RHOU: variants seen among roughly 807,000 people sequenced by gnomAD.
RHOU encodes ras homolog family member U, also known as rho-related GTP-binding protein RhoU.
RHOU carries 8 observed loss-of-function variants against 12.6 expected under a neutral mutation model. That is an observed-to-expected ratio of 0.64 (90% CI 0.37 to 1.15). The LOEUF (loss-of-function observed/expected upper bound fraction) is 1.15. RHOU is among the 50% of genes most tolerant of loss of function. The probability of loss-of-function intolerance (pLI) is 0.01; values close to 1 mark genes in which losing one functional copy is unlikely to be tolerated. For missense variants in RHOU, 258 were observed against 347.0 expected, an observed-to-expected ratio of 0.74 and a Z score of 2.04; for synonymous variants, 161 against 147.4, an observed-to-expected ratio of 1.09 and a Z score of -0.67.
the RHOU span, among the ~76,000 whole-genome samples, chr1:228,689,723 G>C: frequency 9.9e-5 from 15 of 151,802 alleles, no homozygotes; most frequent in Non-Finnish European, 1.0e-4. Context: ...GCATGTGAGG[G>C]ATCTAGGGTG....
At chr1:228,687,283 A>G in the RHOU span, 5 of 636,288 alleles carry the variant, frequency 7.9e-6, no homozygotes, top group African/African-American at 7.3e-5. Context: ...CCCAGTTCCC[A>G]AGAGTTATCC....
chr1:228,730,217 C>G, the RHOU span, among the ~76,000 whole-genome samples: 2 of 152,194 alleles, frequency 1.3e-5, no homozygotes, highest in Non-Finnish European at 2.9e-5. Context: ...CAGAGGGAAA[C>G]AGTGCCTAAC....
At chr1:228,648,641 T>C in the RHOU span, among the ~76,000 whole-genome samples, 21 of 152,242 alleles carry the variant, frequency 1.4e-4, no homozygotes, top group Non-Finnish European at 2.5e-4. Flanking sequence ...AATTTGATTC[T>C]GAACTCGGTT....
chr1:228,740,686 G>A (rs1662702894), intron 2 of RHOU, among the ~76,000 whole-genome samples: 1 of 152,184 alleles, frequency 6.6e-6, no homozygotes, highest in Non-Finnish European at 1.5e-5. Context: ...GAGCCTTGAG[G>A]GTTAAGTGAC....
chr1:228,741,676 T>A (rs571049708), intron 2 of RHOU, among the ~76,000 whole-genome samples: 34 of 152,348 alleles, frequency 2.2e-4, no homozygotes, highest in Middle Eastern at 3.4e-3. Context: ...TTTTTCTTTT[T>A]AAAAATTTTT....
chr1:228,728,989 G>A, the RHOU span, among the ~76,000 whole-genome samples: 142 of 151,448 alleles, frequency 9.4e-4, 2 homozygotes, highest in African/African-American at 3.2e-3. Flanking sequence ...TCTGCCTCCC[G>A]GGTTCAAGCG....
the RHOU span, among the ~76,000 whole-genome samples, chr1:228,660,354 T>A: frequency 0.041 from 4,658 of 114,032 alleles, 259 homozygotes; most frequent in African/African-American, 0.13. Flanking sequence ...CCGAAAAAAA[T>A]AAAAAAAAAA....
chr1:228,706,950 G>A, the RHOU span, among the ~76,000 whole-genome samples: 33 of 150,906 alleles, frequency 2.2e-4, no homozygotes, highest in Admixed American at 4.6e-4. Context: ...TTCCTATTAC[G>A]TAGTTAATTA....
the RHOU span, among the ~76,000 whole-genome samples, chr1:228,713,990 C>A: frequency 6.6e-6 from 1 of 152,026 alleles, no homozygotes; most frequent in Admixed American, 6.6e-5. Context: ...TGGAGGAAGA[C>A]CAGTTTGAGT....
the RHOU span, among the ~76,000 whole-genome samples, chr1:228,674,072 C>T: frequency 6.6e-6 from 1 of 152,302 alleles, no homozygotes; most frequent in Non-Finnish European, 1.5e-5. Context: ...TCTGGTGGAA[C>T]TATAGTGGAA....
At chr1:228,732,076 G>C (rs539068286), upstream of RHOU, among the ~76,000 whole-genome samples, 1 of 152,190 alleles carries the variant, frequency 6.6e-6, no homozygotes. Flanking sequence ...TCCATGTTTT[G>C]AGAGTCCATG....
chr1:228,689,617 G>A, the RHOU span, among the ~76,000 whole-genome samples: 1 of 152,066 alleles, frequency 6.6e-6, no homozygotes, highest in Non-Finnish European at 1.5e-5. Context: ...ATAGCCGGAG[G>A]TGAGCAGTGG....
At chr1:228,672,128 A>G in the RHOU span, among the ~76,000 whole-genome samples, 1 of 152,248 alleles carries the variant, frequency 6.6e-6, no homozygotes, top group African/African-American at 2.4e-5. Flanking sequence ...CAAAAAATCT[A>G]GGGCCTTCAT....
chr1:228,717,897 G>T, the RHOU span, among the ~76,000 whole-genome samples: 1 of 152,148 alleles, frequency 6.6e-6, no homozygotes, highest in Admixed American at 6.5e-5. Context: ...AAAAATTCGG[G>T]TAATTCCATG....
chr1:228,703,221 A>T, the RHOU span, among the ~76,000 whole-genome samples: 2 of 152,136 alleles, frequency 1.3e-5, no homozygotes, highest in Non-Finnish European at 2.9e-5. Flanking sequence ...AGAGATATAA[A>T]TTTCTCCTAT....
chr1:228,657,625 C>G, the RHOU span, among the ~76,000 whole-genome samples: 1 of 152,208 alleles, frequency 6.6e-6, no homozygotes, highest in Non-Finnish European at 1.5e-5. Flanking sequence ...ATAGAATGAT[C>G]AGATAGAGGA....
chr1:228,701,312 A>G, the RHOU span, among the ~76,000 whole-genome samples: 1 of 152,200 alleles, frequency 6.6e-6, no homozygotes, highest in Non-Finnish European at 1.5e-5. Flanking sequence ...GTGATAATTA[A>G]AAGGTTTTAA....
chr1:228,736,281 T>C (rs2318790), intron 1 of RHOU, among the ~76,000 whole-genome samples: 3 of 119,160 alleles, frequency 2.5e-5, no homozygotes, highest in East Asian at 2.6e-4. Context: ...AAAAAAAAAA[T>C]CTCACAATTT....
chr1:228,690,763 G>A, the RHOU span, among the ~76,000 whole-genome samples: 1 of 151,940 alleles, frequency 6.6e-6, no homozygotes, highest in Non-Finnish European at 1.5e-5. Context: ...GATTACAGGC[G>A]CCCACCACAT....
Sources: gnomAD v4.1 joint callset for allele counts (sites outside exome capture counted in the v4.1 genomes callset) on GRCh38, gnomAD v4.1.1 for gene constraint, MANE v1.5 for transcripts, NCBI Gene and HGNC (gene_info 2026-07-23, HGNC 2026-07-21) for gene names.